NUB1: variants seen among roughly 807,000 people sequenced by gnomAD.
NUB1 encodes the protein NEDD8 ultimate buster 1.
NUB1 carries 41 observed loss-of-function variants against 77.1 expected under a neutral mutation model. The ratio of observed to expected loss-of-function variants is 0.53; its 90% confidence interval spans 0.41 to 0.69. NUB1 has a LOEUF of 0.69. Among genes scored for constraint, NUB1 ranks in the 30% least tolerant of loss-of-function variants. The pLI, the probability that NUB1 is intolerant of heterozygous loss-of-function variation, is 0.00. For missense variants in NUB1, 643 were observed against 743.8 expected, an observed-to-expected ratio of 0.86 and a Z score of 1.58; for synonymous variants, 257 against 281.0, an observed-to-expected ratio of 0.91 and a Z score of 0.85.
intron 2 of NUB1, among the ~76,000 whole-genome samples, chr7:151,348,824 C>A (rs1201414906): frequency 1.3e-5 from 2 of 152,012 alleles, no homozygotes; most frequent in Non-Finnish European, 2.9e-5. Context: ...ATGCGCCTGC[C>A]TCGGCCTCCC....
In NUB1 at chr7:151,360,269, G is replaced by A. The variant is rs754945852; in HGVS notation, c.800+22G>A. ...TCTGGTAGGCGCTTTTGTACTTGGT[G>A]AACACCAGCTTTAAGGAAGATGGCC... On this transcript the variant is annotated intron_variant, in intron 8 of 14. Transcript: ENST00000568733. 21 of 1,337,372 alleles carry A rather than the reference G, an allele frequency of 1.6e-5. No homozygotes were observed. The South Asian group carries it at 2.5e-4, about 16-fold the overall frequency. 82.8% of individuals were successfully genotyped at this position (1,337,372 alleles called of 1,614,324 possible). A position where few individuals can be genotyped will look rare whatever the true frequency, so the allele number is the denominator to read the frequency against.
At chr7:151,366,825 T>C in intron 8 of NUB1, 114 bp from the exon 9 acceptor site, 2 of 791,900 alleles carry the variant, frequency 2.5e-6, no homozygotes, top group Non-Finnish European at 3.9e-6. Flanking sequence ...CAGTCAGCCT[T>C]TGAATATATA....
At chr7:151,356,280 G>GT in intron 7 of NUB1, 58 bp downstream of exon 7, 1 of 1,235,686 alleles carries the variant, frequency 8.1e-7, no homozygotes, top group Non-Finnish European at 1.2e-6. Context: ...GGCAGAGGTG[G>GT]TTTTTTAGTT....
chr7:151,358,079 G>A (rs925939234), intron 7 of NUB1, among the ~76,000 whole-genome samples: 1 of 150,218 alleles, frequency 6.7e-6, no homozygotes, highest in Non-Finnish European at 1.5e-5. Flanking sequence ...GGGTTCCAGC[G>A]ATTCTCCTGC....
chr7:151,342,073 T>C (rs911871026), intron 1 of NUB1: 6 of 676,638 alleles, frequency 8.9e-6, no homozygotes, highest in Non-Finnish European at 1.3e-5. Context: ...TTGCCCTGAG[T>C]TAGGCAGAGG....
At position 151,376,867 on chromosome 7, in the gene NUB1, C is replaced by A. The variant is rs1005082728; in HGVS notation, c.1669+56C>A. The stretch of plus-strand genomic sequence containing the variant: ...AGAGCAAAGTGTCTTCAGAAGCCAA[C>A]AGATGTGGCCCTAAGCCACGGCAGA... On this transcript the variant is annotated intron_variant, in intron 14 of 14. Transcript: ENST00000568733. 45 of 1,517,652 alleles carry A rather than the reference C, an allele frequency of 3.0e-5. No homozygotes were observed. In the East Asian group the frequency reaches 9.6e-4, roughly 32 times the overall value. 94.0% of individuals were successfully genotyped at this position (1,517,652 alleles called of 1,614,324 possible). A position where few individuals can be genotyped will look rare whatever the true frequency, so the allele number is the denominator to read the frequency against.
rs1797302417 is a variant in NUB1 at position 151,360,129 on chromosome 7, A to G, written c.694-12A>G. On this transcript the variant is annotated splice_polypyrimidine_tract_variant and intron_variant, in intron 7 of 14. Coordinates refer to ENST00000568733, the MANE Select transcript of NUB1 (RefSeq NM_001243351.2). ...TTAAAGTGATGTTTTTTAAATTTGT[A>G]TTTTTTCCTAGGCCCTTATGTTAGC... The G allele has an allele frequency of 7.3e-7, 1 of 1,376,412 alleles. No individual in the cohort carries two copies. The highest frequency in any genetic ancestry group is 1.0e-6 in the Non-Finnish European group (1 of 983,586). 85.3% of individuals were successfully genotyped at this position (1,376,412 alleles called of 1,614,324 possible). A position where few individuals can be genotyped will look rare whatever the true frequency, so the allele number is the denominator to read the frequency against.
At position 151,345,398 on chromosome 7, in the gene NUB1, G is replaced by C. The variant is rs764730381; in HGVS notation, c.49G>C (p.Glu17Gln). ...LQAKLTQFLREDRIQLWKPPY... is the reference protein window; with the variant it reads ...LQAKLTQFLRQDRIQLWKPPY... ...AGCAAAATTGACCCAGTTTTTAAGG[G>C]AAGACAGGATTCAACTTTGGAAACC... The change falls in exon 2 of 15, where the codon GAA becomes CAA. Residue 17 changes from glutamate to glutamine, a missense_variant. Physicochemically the swap from Glu to Gln is conservative, Grantham distance 29. Coordinates refer to ENST00000568733, the MANE Select transcript of NUB1 (RefSeq NM_001243351.2). The C allele has an allele frequency of 3.7e-6, 6 of 1,612,696 alleles. No individual in the cohort carries two copies. The highest frequency in any genetic ancestry group is 2.2e-5 in the East Asian group (1 of 44,762).
chr7:151,343,909 C>T (rs923229403), intron 1 of NUB1, among the ~76,000 whole-genome samples: 2 of 151,864 alleles, frequency 1.3e-5, no homozygotes, highest in Non-Finnish European at 2.9e-5. Flanking sequence ...GGGCCAGGCG[C>T]GGTGGCTCAG....
intron 3 of NUB1, 107 bp from the exon 4 acceptor site, chr7:151,351,316 AG>A: frequency 1.2e-6 from 1 of 835,328 alleles, no homozygotes; most frequent in Non-Finnish European, 2.0e-6. Flanking sequence ...AGTTTTTAAC[AG>A]TGAACTCAGT....
intron 4 of NUB1, chr7:151,352,365 TTG>T: frequency 3.3e-6 from 1 of 299,560 alleles, no homozygotes; most frequent in Non-Finnish European, 6.7e-6. Context: ...ATTGTGATGT[TTG>T]TGAGTCAGTC....
At chr7:151,344,891 T>A (rs1193295107) in intron 1 of NUB1, among the ~76,000 whole-genome samples, 1 of 151,750 alleles carries the variant, frequency 6.6e-6, no homozygotes, top group African/African-American at 2.4e-5. Flanking sequence ...TCCCAGTGAG[T>A]AGGGAGGCTG....
At chr7:151,365,895 T>G (rs1797655282) in intron 8 of NUB1, among the ~76,000 whole-genome samples, 1 of 151,962 alleles carries the variant, frequency 6.6e-6, no homozygotes, top group African/African-American at 2.4e-5. Flanking sequence ...AAGTCCTTTT[T>G]TTTTTATTCC....
intron 11 of NUB1, among the ~76,000 whole-genome samples, chr7:151,373,429 T>G (rs1021046376): frequency 4.6e-5 from 7 of 152,158 alleles, no homozygotes; most frequent in Admixed American, 2.6e-4. Flanking sequence ...GTGAAGAGAC[T>G]AGAACCCTCT....
At chr7:151,348,569 C>T (rs534130744) in intron 2 of NUB1, among the ~76,000 whole-genome samples, 41 of 69,922 alleles carry the variant, frequency 5.9e-4, no homozygotes, top group South Asian at 6.1e-4. Context: ...TTGCTTTTTG[C>T]TTTTTTTTTT....
Position 151,355,887 on chromosome 7 carries a change from G to A in NUB1, c.535G>A (p.Ala179Thr). 1 of 1,613,758 alleles carries A rather than the reference G, an allele frequency of 6.2e-7. No individual in the cohort carries two copies. The highest frequency in any genetic ancestry group is 8.5e-7 in the Non-Finnish European group (1 of 1,179,826). The part of the protein sequence containing the change: ...FQLEEEEQNE[A>T]KLKEKQIQRT... ...GTTAGAGGAAGAGGAGCAAAATGAGGCCAAACTCAAAGAAAAACAAATTCA... is the reference window on the plus strand; with the variant it reads ...GTTAGAGGAAGAGGAGCAAAATGAGACCAAACTCAAAGAAAAACAAATTCA... Residue 179 changes from alanine (A) to threonine (T), a missense_variant, in exon 6 of 15, where the codon GCC (alanine) becomes ACC (threonine). By Grantham distance (58) the Ala-to-Thr change is moderately conservative. Transcript: ENST00000568733.
At chr7:151,352,589 TG>T (rs1411854079) in intron 4 of NUB1, among the ~76,000 whole-genome samples, 1 of 152,118 alleles carries the variant, frequency 6.6e-6, no homozygotes, top group Non-Finnish European at 1.5e-5. Context: ...GCCACAGGCA[TG>T]GGCTACCAGG....
chr7:151,348,100 T>A (rs549383095), intron 2 of NUB1, among the ~76,000 whole-genome samples: 2 of 152,364 alleles, frequency 1.3e-5, no homozygotes, highest in East Asian at 3.9e-4. Flanking sequence ...GCATTTCCTT[T>A]GAGCATCTCC....
intron 7 of NUB1, 50 bp downstream of exon 7, chr7:151,356,272 C>A: frequency 1.4e-6 from 2 of 1,380,962 alleles, no homozygotes; most frequent in Non-Finnish European, 2.1e-6. Context: ...GTTGTCAGGG[C>A]AGAGGTGGTT....
Sources: allele counts gnomAD v4.1 joint callset (sites outside exome capture counted in the v4.1 genomes callset), GRCh38; gene constraint gnomAD v4.1.1; transcripts MANE v1.5; gene names NCBI Gene and HGNC (gene_info 2026-07-23, HGNC 2026-07-21).